PTPRD: variants seen among roughly 807,000 people sequenced by gnomAD.
PTPRD encodes the protein receptor-type tyrosine-protein phosphatase delta.
PTPRD carries 34 observed loss-of-function variants against 214.5 expected under a neutral mutation model. That is an observed-to-expected ratio of 0.16 (90% CI 0.12 to 0.21). The LOEUF (loss-of-function observed/expected upper bound fraction) is 0.21, where lower values mean the gene tolerates loss of function less well. Among genes scored for constraint, PTPRD ranks in the 10% least tolerant of loss-of-function variants. The pLI is 1.00. For missense variants in PTPRD, 2,545 were observed against 2,398.7 expected (o/e 1.06, Z -1.27); for synonymous variants, 1,128 against 845.7 (o/e 1.33, Z -5.79).
At chr9:8,663,673 T>G (rs1418675624) in intron 12 of PTPRD, among the ~76,000 whole-genome samples, 1 of 151,982 alleles carries the variant, frequency 6.6e-6, no homozygotes, top group Non-Finnish European at 1.5e-5. Context: ...TGTATTTTAT[T>G]AGAGATGGAG....
chr9:8,789,400 G>A (rs1319569959), intron 11 of PTPRD, among the ~76,000 whole-genome samples: 1 of 152,186 alleles, frequency 6.6e-6, no homozygotes, highest in African/African-American at 2.4e-5. Flanking sequence ...CTCAGGAACT[G>A]TTAGTAGCCG....
intron 3 of PTPRD, among the ~76,000 whole-genome samples, chr9:10,173,401 C>T (rs765735878): frequency 1.3e-5 from 2 of 152,016 alleles, no homozygotes; most frequent in Non-Finnish European, 2.9e-5. Flanking sequence ...GTGATTTGCC[C>T]GTAGTGACTC....
intron 17 of PTPRD, 172 bp from the exon 18 acceptor site, chr9:8,525,207 T>C (rs989214495): frequency 2.7e-6 from 2 of 732,614 alleles, no homozygotes; most frequent in Non-Finnish European, 4.9e-6. Context: ...GAGAAAAACA[T>C]ATAGAGATTA....
At chr9:9,647,336 T>G (rs1290909332) in intron 7 of PTPRD, among the ~76,000 whole-genome samples, 1 of 152,038 alleles carries the variant, frequency 6.6e-6, no homozygotes. Flanking sequence ...TATCTGATTC[T>G]GTTTCCTTGT....
chr9:9,115,278 C>A (rs189158133), intron 10 of PTPRD, among the ~76,000 whole-genome samples: 3 of 151,980 alleles, frequency 2.0e-5, no homozygotes. Flanking sequence ...TTTTTACTTA[C>A]GTTTTGAAAA....
At chr9:9,624,511 C>T (rs867566410) in intron 7 of PTPRD, among the ~76,000 whole-genome samples, 3 of 152,098 alleles carry the variant, frequency 2.0e-5, no homozygotes, top group Middle Eastern at 6.8e-3. Context: ...TGGTCTCAAA[C>T]CCCCAACCTC....
chr9:9,482,254 A>G (rs1333787900), intron 8 of PTPRD, among the ~76,000 whole-genome samples: 3 of 152,196 alleles, frequency 2.0e-5, no homozygotes, highest in African/African-American at 4.8e-5. Flanking sequence ...ATATTTGAGA[A>G]AAAAGTAAGT....
rs111939780 is a variant in PTPRD at position 8,535,186 on chromosome 9, T to C, written c.353-6407A>G. 6.6e-3 allele frequency among the ~76,000 whole-genome samples: 1,003 copies of C among 152,024 alleles called. 11 individuals carry two copies. The highest frequency in any genetic ancestry group is 0.023 in the African/African-American group (949 of 41,540). ...GCATCTAGTAAAATACTAGCATATA[T>C]GTACTTGCTTTATTCCAAGCTCCAT... On this transcript the variant is annotated intron_variant, in intron 14 of 45. Transcript: ENST00000381196.
chr9:9,486,812 T>C (rs1369684480), intron 8 of PTPRD, among the ~76,000 whole-genome samples: 1 of 152,150 alleles, frequency 6.6e-6, no homozygotes, highest in African/African-American at 2.4e-5. Flanking sequence ...ACACTTAACA[T>C]CATACATTAT....
At chr9:10,382,979 T>C (rs1204022186) in intron 2 of PTPRD, among the ~76,000 whole-genome samples, 1 of 151,848 alleles carries the variant, frequency 6.6e-6, no homozygotes, top group Non-Finnish European at 1.5e-5. Context: ...AGTTGGAAAG[T>C]GACACTGATA....
intron 3 of PTPRD, among the ~76,000 whole-genome samples, chr9:10,196,927 T>G (rs1346166509): frequency 6.6e-6 from 1 of 152,116 alleles, no homozygotes; most frequent in South Asian, 2.1e-4. Flanking sequence ...GAGGTTACAG[T>G]GAAGAAGATG....
chr9:8,903,703 T>A (rs1405733496), intron 11 of PTPRD, among the ~76,000 whole-genome samples: 1 of 152,230 alleles, frequency 6.6e-6, no homozygotes, highest in South Asian at 2.1e-4. Flanking sequence ...CTGTGGGCTT[T>A]AGTTTCCTTA....
At chr9:9,057,132 A>G (rs2099697775) in intron 10 of PTPRD, among the ~76,000 whole-genome samples, 1 of 152,220 alleles carries the variant, frequency 6.6e-6, no homozygotes, top group Admixed American at 6.5e-5. Context: ...ATTATAGATA[A>G]TAATCTGATT....
intron 43 of PTPRD, among the ~76,000 whole-genome samples, chr9:8,335,126 G>C (rs1192139694): frequency 1.4e-5 from 2 of 146,932 alleles, no homozygotes; most frequent in African/African-American, 4.9e-5. Context: ...CAAAAAGAGG[G>C]ACTCCTTCCT....
intron 10 of PTPRD, among the ~76,000 whole-genome samples, chr9:9,172,516 G>A (rs770637459): frequency 1.3e-5 from 2 of 151,974 alleles, no homozygotes; most frequent in Non-Finnish European, 2.9e-5. Flanking sequence ...CATTATCTCG[G>A]GCTCTGTGTT....
At chr9:9,771,115 T>G (rs181473413) in intron 5 of PTPRD, among the ~76,000 whole-genome samples, 6 of 152,318 alleles carry the variant, frequency 3.9e-5, no homozygotes, top group African/African-American at 1.4e-4. Flanking sequence ...ATGCACCTTA[T>G]GCCCAATCTG....
chr9:10,009,543 G>C (rs567082393), intron 4 of PTPRD, among the ~76,000 whole-genome samples: 1 of 152,044 alleles, frequency 6.6e-6, no homozygotes, highest in Non-Finnish European at 1.5e-5. Context: ...AAGATAAGGA[G>C]TTGTGGAGAC....
At chr9:8,876,570 G>T (rs943063842) in intron 11 of PTPRD, among the ~76,000 whole-genome samples, 1 of 152,088 alleles carries the variant, frequency 6.6e-6, no homozygotes, top group African/African-American at 2.4e-5. Context: ...CCTGGTTAAA[G>T]GTTTCATTAT....
rs188455735 is a variant in PTPRD, at chr9:9,041,409, T to A, written c.-142-22674A>T. On this transcript the variant is annotated intron_variant, in intron 10 of 45. Coordinates refer to ENST00000381196, the MANE Select transcript of PTPRD (RefSeq NM_002839.4). The stretch of plus-strand genomic sequence containing the variant: ...GGCTCCAGTGTGTGTTGTTCCCCTC[T>A]ATGTGTCCATGTGTTCTCACCATTT... Among the ~76,000 whole-genome samples the A allele has an allele frequency of 1.6e-3, 246 of 152,182 alleles. 2 individuals are homozygous for A. The highest frequency in any genetic ancestry group is 5.4e-3 in the African/African-American group (226 of 41,528).
Sources: gnomAD v4.1 joint callset for allele counts (sites outside exome capture counted in the v4.1 genomes callset) on GRCh38, gnomAD v4.1.1 for gene constraint, MANE v1.5 for transcripts, NCBI Gene and HGNC (gene_info 2026-07-23, HGNC 2026-07-21) for gene names.